Variants in NBEA observed in about 807,000 individuals in gnomAD.
The protein encoded by NBEA is neurobeachin.
A neutral mutation model predicts 343.4 loss-of-function variants in NBEA; 44 were observed. That is an observed-to-expected ratio of 0.13 (90% CI 0.10 to 0.16). The LOEUF (loss-of-function observed/expected upper bound fraction) is 0.16. NBEA is among the 10% of genes least tolerant of loss of function. The pLI is 1.00. For missense variants in NBEA, 2,555 were observed against 3,631.3 expected (o/e 0.70, Z 7.62); for synonymous variants, 1,175 against 1,238.7 (o/e 0.95, Z 1.08).
rs748590583 is a variant in NBEA, at chr13:35,157,129, TATCA to T, written c.2707_2710del (p.Asn903LeufsTer25). 6.2e-7 allele frequency: 1 copy of T among 1,607,722 alleles called. No homozygotes were observed. Among genetic ancestry groups the T allele is most frequent in the Non-Finnish European group, 8.5e-7 (1 of 1,176,776 alleles). On this transcript the variant is annotated frameshift_variant, in exon 21 of 59. Coordinates refer to ENST00000379939, the MANE Select transcript of NBEA (RefSeq NM_001385012.1). LOFTEE classifies it high-confidence loss of function. Reference sequence around the variant, plus strand: ...AGGATTGGATGTTTTCTCTTGGCTATATCAATCCTAAAAATTCTGAGGAACAGAA... The same window carrying T: ...AGGATTGGATGTTTTCTCTTGGCTATATCCTAAAAATTCTGAGGAACAGAA...
intron 6 of NBEA, among the ~76,000 whole-genome samples, chr13:35,055,107 C>T (rs1194774290): frequency 6.6e-6 from 1 of 151,902 alleles, no homozygotes; most frequent in Non-Finnish European, 1.5e-5. Flanking sequence ...ATCTGTAGAA[C>T]AAAGTTTGTA....
At chr13:35,332,819 G>C (rs1262084141) in intron 36 of NBEA, among the ~76,000 whole-genome samples, 1 of 152,078 alleles carries the variant, frequency 6.6e-6, no homozygotes. Flanking sequence ...AACCTTGGTG[G>C]TTCAGAATAT....
chr13:35,371,637 C>A (rs2041438992), intron 38 of NBEA, among the ~76,000 whole-genome samples: 1 of 151,916 alleles, frequency 6.6e-6, no homozygotes, highest in Admixed American at 6.6e-5. Context: ...CCTGCTAGAC[C>A]ATAATTTTGT....
intron 45 of NBEA, among the ~76,000 whole-genome samples, chr13:35,576,020 G>A (rs562340644): frequency 1.2e-4 from 18 of 151,748 alleles, no homozygotes; most frequent in Admixed American, 7.9e-4. Flanking sequence ...TTTGTTCCTC[G>A]TGTTGTCATT....
chr13:35,079,434 A>G (rs970612321), intron 10 of NBEA, among the ~76,000 whole-genome samples: 3 of 152,202 alleles, frequency 2.0e-5, no homozygotes, highest in South Asian at 4.1e-4. Context: ...TAGAGATACT[A>G]TTAACTGTTA....
At chr13:35,342,418 C>T (rs995350128) in intron 36 of NBEA, among the ~76,000 whole-genome samples, 12 of 151,716 alleles carry the variant, frequency 7.9e-5, no homozygotes, top group African/African-American at 2.7e-4. Flanking sequence ...TAGCGATAAC[C>T]ATAATTTTAG....
chr13:35,260,815 C>G (rs12323135), intron 34 of NBEA, among the ~76,000 whole-genome samples: 2,295 of 152,274 alleles, frequency 0.015, 52 homozygotes, highest in African/African-American at 0.052. Context: ...GTGGCTAATC[C>G]TAATTGATTT....
intron 21 of NBEA, 67 bp from the exon 22 acceptor site, chr13:35,158,949 G>A (rs2069370750): frequency 2.3e-6 from 3 of 1,302,000 alleles, no homozygotes; most frequent in Admixed American, 5.5e-5. Flanking sequence ...AATTTAATTT[G>A]TATTATTTAG....
At chr13:35,385,733 A>C (rs917074566) in intron 38 of NBEA, among the ~76,000 whole-genome samples, 5 of 152,108 alleles carry the variant, frequency 3.3e-5, no homozygotes, top group African/African-American at 1.2e-4. Flanking sequence ...TAAAAATAAA[A>C]CATGTTAACT....
At chr13:35,091,384 T>A (rs1371692949) in intron 10 of NBEA, among the ~76,000 whole-genome samples, 5 of 151,978 alleles carry the variant, frequency 3.3e-5, no homozygotes, top group Non-Finnish European at 7.4e-5. Flanking sequence ...TAAAATTTTT[T>A]AATGAAATTC....
At chr13:35,593,727 T>C (rs1398274185) in intron 47 of NBEA, among the ~76,000 whole-genome samples, 8 of 152,134 alleles carry the variant, frequency 5.3e-5, no homozygotes, top group Admixed American at 5.2e-4. Context: ...TAAAATGCCT[T>C]TCCTGCTGTT....
At chr13:35,525,959 G>A (rs2077954326) in intron 41 of NBEA, among the ~76,000 whole-genome samples, 1 of 152,152 alleles carries the variant, frequency 6.6e-6, no homozygotes. Flanking sequence ...GAATTTCAGA[G>A]GGAAGGGAGA....
At chr13:35,109,262 A>C in intron 11 of NBEA, 28 bp from the exon 12 acceptor site, 1 of 1,540,880 alleles carries the variant, frequency 6.5e-7, no homozygotes, top group Non-Finnish European at 8.7e-7. Flanking sequence ...TGGATGTTTC[A>C]AGCTAGAATT....
intron 33 of NBEA, 95 bp downstream of exon 33, chr13:35,211,274 G>A: frequency 1.8e-6 from 2 of 1,081,760 alleles, no homozygotes; most frequent in Admixed American, 2.9e-5. Context: ...TCTTGAGAAT[G>A]AAGGTTAATT....
intron 11 of NBEA, among the ~76,000 whole-genome samples, chr13:35,108,823 A>G (rs910861412): frequency 4.6e-5 from 7 of 152,162 alleles, no homozygotes; most frequent in African/African-American, 1.4e-4. Context: ...GTGAAAGCAT[A>G]CTATATCATC....
intron 36 of NBEA, among the ~76,000 whole-genome samples, chr13:35,331,680 C>T (rs1365825100): frequency 2.6e-5 from 4 of 152,040 alleles, no homozygotes; most frequent in Non-Finnish European, 4.4e-5. Flanking sequence ...TCAGAACTTG[C>T]TTGTTGACAT....
At chr13:35,531,017 T>G (rs1270955193) in intron 41 of NBEA, among the ~76,000 whole-genome samples, 1 of 152,230 alleles carries the variant, frequency 6.6e-6, no homozygotes, top group Non-Finnish European at 1.5e-5. Flanking sequence ...ACTTGCTAAT[T>G]AAAACCAGAA....
chr13:35,441,300 A>C (rs2045726059), intron 39 of NBEA, among the ~76,000 whole-genome samples: 1 of 152,206 alleles, frequency 6.6e-6, no homozygotes, highest in Non-Finnish European at 1.5e-5. Flanking sequence ...AATTGTCTGT[A>C]CAAACATGAT....
chr13:35,196,730 GC>G (rs2072633215), intron 31 of NBEA, among the ~76,000 whole-genome samples: 1 of 151,964 alleles, frequency 6.6e-6, no homozygotes, highest in South Asian at 2.1e-4. Context: ...TATATGACAT[GC>G]TTTAAGTGAT....
Sources: gnomAD v4.1 joint callset for allele counts (sites outside exome capture counted in the v4.1 genomes callset) on GRCh38, gnomAD v4.1.1 for gene constraint, MANE v1.5 for transcripts, NCBI Gene and HGNC (gene_info 2026-07-23, HGNC 2026-07-21) for gene names.